ZIC5: variants seen among roughly 807,000 people sequenced by gnomAD.
The protein encoded by ZIC5 is zinc finger protein ZIC 5.
In ZIC5, 20 loss-of-function variants were observed where a neutral mutation model predicts 28.5. The ratio of observed to expected loss-of-function variants is 0.70; its 90% CI spans 0.49 to 1.02. The LOEUF (loss-of-function observed/expected upper bound fraction) is 1.02, where lower values mean the gene tolerates loss of function less well. Ranked by LOEUF, ZIC5 falls within the 50% of genes least tolerant of loss-of-function variation. The pLI is 0.00. For missense variants in ZIC5, 951 were observed against 899.7 expected (o/e 1.06, Z -0.73); for synonymous variants, 488 against 410.4 (o/e 1.19, Z -2.29).
Position 99,970,872 on chromosome 13 carries a change from C to T in ZIC5, c.732G>A (p.Gly244=). 1 of 1,274,282 alleles carries T rather than the reference C, an allele frequency of 7.8e-7. No individual in the cohort carries two copies. The highest frequency in any genetic ancestry group is 9.8e-7 in the Non-Finnish European group (1 of 1,018,960). 78.9% of individuals were successfully genotyped at this position (1,274,282 alleles called of 1,614,324 possible). The change falls in exon 1 of 2, where the codon GGG becomes GGA. Residue 244 remains glycine (G), a synonymous_variant. Coordinates refer to ENST00000267294, the MANE Select transcript of ZIC5 (RefSeq NM_033132.5). ...ALFPALHDTP[G]APGGHPHPLN... is the part of the protein sequence containing the mutation. Reference sequence around the variant, plus strand: ...GCGGGTGCGGGTGGCCGCCTGGGGCCCCCGGCGTGTCGTGCAGCGCGGGGA... The same window carrying T: ...GCGGGTGCGGGTGGCCGCCTGGGGCTCCCGGCGTGTCGTGCAGCGCGGGGA...
In ZIC5 at chr13:99,971,438, G is replaced by A. The variant is rs1279274603; in HGVS notation, c.166C>T (p.Leu56=). The change falls in exon 1 of 2, where the codon CTG becomes TTG. Residue 56 remains leucine, a synonymous_variant. Coordinates refer to ENST00000267294, the MANE Select transcript of ZIC5 (RefSeq NM_033132.5). ...GTGGCCACGCCGGGGTCAGCGCCCA[G>A]GTCCCGCAGGCGGAGGTGCGCGACG... ...AAVAHLRLRD[L]GADPGVATTP... is the part of the protein sequence containing the mutation. 4.5e-6 allele frequency: 7 copies of A among 1,544,390 alleles called. No homozygotes were observed. Among genetic ancestry groups the A allele is most frequent in the Non-Finnish European group, 6.1e-6 (7 of 1,145,500 alleles).
chr13:99,969,976 C>T (rs1413299455), intron 1 of ZIC5, 151 bp downstream of exon 1: 3 of 1,218,578 alleles, frequency 2.5e-6, no homozygotes, highest in African/African-American at 3.1e-5. Context: ...AAAAAGAAGT[C>T]ACATGTCCGG....
intron 1 of ZIC5, among the ~76,000 whole-genome samples, chr13:99,969,038 G>A (rs1342732254): frequency 6.6e-6 from 1 of 152,226 alleles, no homozygotes. Context: ...GTCCTCCGAG[G>A]GGTAATCGTA....
Position 99,970,257 on chromosome 13 carries a change from C to T in ZIC5, c.1347G>A (p.Lys449=). 1.9e-6 allele frequency: 3 copies of T among 1,613,880 alleles called. No homozygotes were observed. Among genetic ancestry groups the T allele is most frequent in the Non-Finnish European group, 2.5e-6 (3 of 1,179,876 alleles). The change falls in exon 1 of 2, where the codon AAG becomes AAA. Residue 449 remains lysine, a synonymous_variant. Transcript: ENST00000267294. ...EDCPREGKPF[K]AKYKLINHIR... The stretch of plus-strand genomic sequence containing the variant: ...TGTGGTTGATGAGCTTGTATTTGGC[C>T]TTGAAGGGCTTGCCCTCGCGCGGAC...
chr13:99,971,111 T>G lies in ZIC5; in HGVS notation c.493A>C (p.Ser165Arg). ...TTTNSGGGGS[S>R]GKGHSRDFVL... Reference sequence around the variant, plus strand: ...AAGTCCCTGCTGTGGCCTTTGCCGCTGCTGCCGCCGCCGCCACTGTTGGTG... The same window carrying G: ...AAGTCCCTGCTGTGGCCTTTGCCGCGGCTGCCGCCGCCGCCACTGTTGGTG... The change falls in exon 1 of 2, where the codon AGC becomes CGC. Residue 165 changes from serine (S) to arginine (R), a missense_variant. Coordinates refer to ENST00000267294, the MANE Select transcript of ZIC5 (RefSeq NM_033132.5). The G allele has an allele frequency of 7.0e-7, 1 of 1,421,390 alleles. No individual in the cohort carries two copies. The highest frequency in any genetic ancestry group is 9.1e-7 in the Non-Finnish European group (1 of 1,096,036). The allele number at this position is 1,421,390 out of a possible 1,614,324, so 88.0% of individuals were successfully genotyped here.
chr13:99,970,091 G>C (rs772375905), intron 1 of ZIC5, 36 bp downstream of exon 1: 9 of 1,598,596 alleles, frequency 5.6e-6, no homozygotes, highest in Non-Finnish European at 7.7e-6. Context: ...GGAGCTGGTG[G>C]CGGCGGCGGC....
At chr13:99,969,506 G>C (rs1328271394) in intron 1 of ZIC5, among the ~76,000 whole-genome samples, 3 of 152,106 alleles carry the variant, frequency 2.0e-5, no homozygotes, top group Non-Finnish European at 2.9e-5. Flanking sequence ...TGCGTGAAGA[G>C]TGTGTCACGG....
In ZIC5 at chr13:99,970,362, C is replaced by T. The variant is rs1300921201; in HGVS notation, c.1242G>A (p.Met414Ile). The change falls in exon 1 of 2, where the codon ATG becomes ATA. Residue 414 changes from methionine (M) to isoleucine (I), a missense_variant. Physicochemically the swap from Met to Ile is conservative, Grantham distance 10. Transcript: ENST00000267294. Reference protein sequence around the residue: ...AKPCSKTFGTMHELVNHVTVE... With the variant: ...AKPCSKTFGTIHELVNHVTVE... Reference sequence around the variant, plus strand: ...CCGTGACGTGATTCACCAGCTCGTGCATGGTGCCGAAAGTTTTGGAGCAGG... The same window carrying T: ...CCGTGACGTGATTCACCAGCTCGTGTATGGTGCCGAAAGTTTTGGAGCAGG... The T allele has an allele frequency of 1.3e-6, 2 of 1,595,872 alleles. No homozygotes were observed. The highest frequency in any genetic ancestry group is 1.7e-6 in the Non-Finnish European group (2 of 1,173,396).
intron 1 of ZIC5, among the ~76,000 whole-genome samples, chr13:99,966,484 TACAGGGCTAGCTGG>T (rs1031822138): frequency 2.0e-5 from 3 of 152,174 alleles, no homozygotes; most frequent in Non-Finnish European, 2.9e-5. Context: ...ACTCGATTTT[TACAGGGCTAGCTGG>T]GCAGAGAACA....
rs2053162126 is a variant in ZIC5, at chr13:99,971,645, CTT to C, written c.-44_-43del. The C allele has an allele frequency of 6.4e-7, 1 of 1,559,864 alleles. No individual in the cohort carries two copies. Among genetic ancestry groups the C allele is most frequent in the African/African-American group, 1.4e-5 (1 of 73,560 alleles). On this transcript the variant is annotated 5_prime_UTR_variant, in exon 1 of 2. It introduces an in-frame stop codon into an upstream open reading frame of the 5' UTR. Transcript: ENST00000267294. ...GGCCCATAGACCCTCACTGGGGGGA[CTT>C]TATTCCCTCTGCCCGCCTTCAAAAA... is the stretch of plus-strand genomic sequence containing the variant.
rs2152151356 is a variant in ZIC5, at chr13:99,963,482, A to C, written c.*1895T>G. The C allele has an allele frequency of 6.5e-6, 1 of 152,678 alleles. No individual in the cohort carries two copies. The highest frequency in any genetic ancestry group is 1.9e-4 in the East Asian group (1 of 5,194). 9.5% of individuals were successfully genotyped at this position (152,678 alleles called of 1,614,324 possible). On this transcript the variant is annotated 3_prime_UTR_variant, in exon 2 of 2. Transcript: ENST00000267294. ...GTTTCATATTCATCACAACAATCTG[A>C]AGACAACATTGAAAGGCTTTCCAAG...
Position 99,965,630 on chromosome 13 carries a change from G to A in ZIC5, c.1667C>T (p.Pro556Leu), listed in dbSNP as rs780429924. ...GTAACCAAGGGGTCCTGGAGAAGGTGGCGGGGACTTGCAGTGAATCTTCAT... is the reference window on the plus strand; with the variant it reads ...GTAACCAAGGGGTCCTGGAGAAGGTAGCGGGGACTTGCAGTGAATCTTCAT... ...KHMKIHCKSP[P>L]PSPGPLGYSS... Residue 556 changes from proline (P) to leucine (L), a missense_variant, in exon 2 of 2, where the codon CCA (proline) becomes CTA (leucine). By Grantham distance (98) the Pro-to-Leu change is moderately conservative (BLOSUM62 -3). Coordinates refer to ENST00000267294, the MANE Select transcript of ZIC5 (RefSeq NM_033132.5). 1.2e-6 allele frequency: 2 copies of A among 1,614,210 alleles called. No individual in the cohort carries two copies. Among genetic ancestry groups the A allele is most frequent in the South Asian group, 2.2e-5 (2 of 91,090 alleles).
At position 99,969,489 on chromosome 13, in the gene ZIC5, GAA is replaced by G. The variant is rs2053129184; in HGVS notation, c.1477+636_1477+637del. ...AAAGTTGTGGGAGACGCACGCAGAA[GAA>G]GGTGTGCGTGAAGAGTGTGTCACGG... On this transcript the variant is annotated intron_variant, in intron 1 of 1. Coordinates refer to ENST00000267294, the MANE Select transcript of ZIC5 (RefSeq NM_033132.5). Among the ~76,000 whole-genome samples the G allele has an allele frequency of 2.0e-5, 3 of 152,216 alleles. No homozygotes were observed. In the East Asian group the frequency reaches 5.8e-4, roughly 30 times the overall value.
Position 99,971,742 on chromosome 13 carries a change from C to T in ZIC5, c.-139G>A. 1 of 1,538,978 alleles carries T rather than the reference C, an allele frequency of 6.5e-7. No individual in the cohort carries two copies. Among genetic ancestry groups the T allele is most frequent in the South Asian group, 1.2e-5 (1 of 83,700 alleles). On this transcript the variant is annotated 5_prime_UTR_variant, in exon 1 of 2. It adds an upstream start codon to the 5' untranslated region. Transcript: ENST00000267294. ...TTAACTCTGCTTATTCCTGTTCCCA[C>T]TCTATCCTCCAGCGATTGGCAGAGT...
chr13:99,970,461 C>T lies in ZIC5; in HGVS notation c.1143G>A (p.Glu381=), dbSNP rs2053142431. 2.8e-6 allele frequency: 3 copies of T among 1,084,452 alleles called. No individual in the cohort carries two copies. The highest frequency in any genetic ancestry group is 1.7e-5 in the African/African-American group (1 of 58,786). 67.2% of individuals were successfully genotyped at this position (1,084,452 alleles called of 1,614,324 possible). The change falls in exon 1 of 2, where the codon GAG becomes GAA. Residue 381 remains glutamate, a synonymous_variant. Transcript: ENST00000267294. Reference sequence around the variant, plus strand: ...GCGGCGGCGGCGGCAGCCCGGCCAGCTCGTCGGGGTCGATCCACTTGCAGA... The same window carrying T: ...GCGGCGGCGGCGGCAGCCCGGCCAGTTCGTCGGGGTCGATCCACTTGCAGA... The part of the protein sequence containing the change: ...ELICKWIDPD[E]LAGLPPPPPP...
At chr13:99,968,969 G>T (rs1348702669) in intron 1 of ZIC5, among the ~76,000 whole-genome samples, 19 of 152,348 alleles carry the variant, frequency 1.2e-4, no homozygotes, top group Admixed American at 9.1e-4. Flanking sequence ...CCTCCTGGCC[G>T]CAGCAGCGCC....
rs1210279109 is a variant in ZIC5, at chr13:99,963,233, C to T, written c.*2144G>A. 6.6e-6 allele frequency: 1 copy of T among 152,416 alleles called. No homozygotes were observed. Among genetic ancestry groups the T allele is most frequent in the African/African-American group, 2.4e-5 (1 of 41,390 alleles). 9.4% of individuals were successfully genotyped at this position (152,416 alleles called of 1,614,324 possible). ...GTAGCATAATAAAGAATAGTGCAAA[C>T]TACCATTGAAAAAGTTGTATAAATA... is the stretch of plus-strand genomic sequence containing the variant. On this transcript the variant is annotated 3_prime_UTR_variant, in exon 2 of 2. Coordinates refer to ENST00000267294, the MANE Select transcript of ZIC5 (RefSeq NM_033132.5).
intron 1 of ZIC5, among the ~76,000 whole-genome samples, chr13:99,966,140 TC>T (rs1271718582): frequency 2.0e-5 from 3 of 151,210 alleles, no homozygotes; most frequent in Non-Finnish European, 4.4e-5. Context: ...GCAGACCCCC[TC>T]CCCCGACAGA....
Position 99,971,354 on chromosome 13 carries a change from A to C in ZIC5, c.250T>G (p.Ser84Ala), listed in dbSNP as rs752077359. 133 of 1,436,550 alleles carry C rather than the reference A, an allele frequency of 9.3e-5. No homozygotes were observed. The highest frequency in any genetic ancestry group is 5.4e-4 in the Admixed American group (18 of 33,570). 89.0% of individuals were successfully genotyped at this position (1,436,550 alleles called of 1,614,324 possible). A position where few individuals can be genotyped will look rare whatever the true frequency, so the allele number is the denominator to read the frequency against. The change falls in exon 1 of 2, where the codon TCC (serine) becomes GCC (alanine). Residue 84 changes from serine to alanine, a missense_variant. This residue lies in a region of ZIC5 where 784 missense variants were observed against 660.1 expected (regional missense o/e 1.19). Coordinates refer to ENST00000267294, the MANE Select transcript of ZIC5 (RefSeq NM_033132.5). ...TCCGGGTGTGCCGGGAACGCCTGGG[A>C]GGGAGGGCTGAGGCCCAGCGTGCTC... Reference protein sequence around the residue: ...QASTLGLSPPSQAFPAHPEAP... With the variant: ...QASTLGLSPPAQAFPAHPEAP...
Sources: gnomAD v4.1 joint callset for allele counts (sites outside exome capture counted in the v4.1 genomes callset) on GRCh38, gnomAD v4.1.1 for gene constraint, gnomAD v4.1.1 regional missense constraint, MANE v1.5 for transcripts, NCBI Gene and HGNC (gene_info 2026-07-23, HGNC 2026-07-21) for gene names.